Variants in NUP37 observed in about 807,000 individuals in gnomAD.
NUP37 encodes nucleoporin 37.
In NUP37, 33 loss-of-function variants were observed where a neutral mutation model predicts 45.4. The observed-to-expected ratio is 0.73, with a 90% CI of 0.55 to 0.97. The LOEUF (loss-of-function observed/expected upper bound fraction) is 0.97, where lower values mean the gene tolerates loss of function less well. Ranked by LOEUF, NUP37 falls within the 50% of genes least tolerant of loss-of-function variation. The probability of loss-of-function intolerance (pLI) is 0.00; values close to 1 mark genes in which losing one functional copy is unlikely to be tolerated. For missense variants in NUP37, 365 were observed against 389.7 expected (o/e 0.94, Z 0.53); for synonymous variants, 127 against 130.7 (o/e 0.97, Z 0.19).
chr12:102,116,698 A>C (rs1366379939), intron 2 of NUP37, among the ~76,000 whole-genome samples: 1 of 152,246 alleles, frequency 6.6e-6, no homozygotes, highest in Non-Finnish European at 1.5e-5. Context: ...TTTTGATGTC[A>C]GAATACTGTA....
chr12:102,097,679 G>A (rs193225690), intron 5 of NUP37, among the ~76,000 whole-genome samples: 56 of 152,280 alleles, frequency 3.7e-4, no homozygotes, highest in Admixed American at 8.5e-4. Flanking sequence ...CCCCTTTGCA[G>A]GTTTCATTAT....
intron 5 of NUP37, among the ~76,000 whole-genome samples, chr12:102,087,874 T>A (rs1350205079): frequency 2.0e-5 from 3 of 152,152 alleles, no homozygotes; most frequent in Admixed American, 6.5e-5. Context: ...ATAAAAATAT[T>A]AAATAAAAAC....
chr12:102,114,493 T>C (rs1336842458), intron 2 of NUP37, among the ~76,000 whole-genome samples: 1 of 152,198 alleles, frequency 6.6e-6, no homozygotes, highest in African/African-American at 2.4e-5. Flanking sequence ...GGATTTAGTT[T>C]GGGGTATAAG....
At chr12:102,075,196 G>A in intron 8 of NUP37, 102 bp from the exon 9 acceptor site, 1 of 703,544 alleles carries the variant, frequency 1.4e-6, no homozygotes, top group Non-Finnish European at 2.3e-6. Flanking sequence ...TTTTTTAAGA[G>A]ACAGGGTCTT....
At position 102,118,429 on chromosome 12, in the gene NUP37, C is replaced by A; in HGVS notation, c.90G>T (p.Gly30=). ...HVVEFNPFEN[G]DSGNLIAYGG... ...CATATGCAATTAGGTTTCCTGAATC[C>A]CCATTCTCAAAGGGATTAAATTCTA... is the stretch of plus-strand genomic sequence containing the variant. Residue 30 remains glycine, a synonymous_variant, in exon 2 of 10, where the codon GGG becomes GGT. Coordinates refer to ENST00000552283, the MANE Select transcript of NUP37 (RefSeq NM_024057.4). 1 of 1,613,952 alleles carries A rather than the reference C, an allele frequency of 6.2e-7. No individual in the cohort carries two copies.
chr12:102,102,576 T>C (rs2136742953), intron 3 of NUP37, among the ~76,000 whole-genome samples: 2 of 152,360 alleles, frequency 1.3e-5, no homozygotes, highest in South Asian at 2.1e-4. Flanking sequence ...ACTCTGTTGT[T>C]TCCTTTGCTG....
At chr12:102,106,684 T>G (rs1880166199) in intron 3 of NUP37, among the ~76,000 whole-genome samples, 2 of 152,200 alleles carry the variant, frequency 1.3e-5, no homozygotes, top group Admixed American at 6.5e-5. Flanking sequence ...TGCTTTGATT[T>G]GGGACATTAC....
chr12:102,076,248 T>C (rs1879163157), intron 8 of NUP37, among the ~76,000 whole-genome samples: 2 of 152,194 alleles, frequency 1.3e-5, no homozygotes, highest in South Asian at 4.1e-4. Flanking sequence ...CTACAACTTA[T>C]TGGAATATAG....
At chr12:102,087,050 C>T (rs71464302) in intron 5 of NUP37, among the ~76,000 whole-genome samples, 3,151 of 152,168 alleles carry the variant, frequency 0.021, 54 homozygotes, top group Non-Finnish European at 0.027. Flanking sequence ...CAATGTGCCA[C>T]GTTTGCACCT....
intron 8 of NUP37, 77 bp from the exon 9 acceptor site, chr12:102,075,171 T>A: frequency 1.1e-6 from 1 of 870,796 alleles, no homozygotes; most frequent in Non-Finnish European, 1.7e-6. Flanking sequence ...GGGCTTTTTC[T>A]TTTTCTTTTT....
intron 6 of NUP37, among the ~76,000 whole-genome samples, chr12:102,083,466 A>C (rs568703405): frequency 6.6e-6 from 1 of 152,340 alleles, no homozygotes; most frequent in South Asian, 2.1e-4. Context: ...ACTTAGATAC[A>C]GTCTGGGGAT....
intron 3 of NUP37, 121 bp downstream of exon 3, chr12:102,111,987 T>C: frequency 5.6e-6 from 5 of 887,800 alleles, no homozygotes; most frequent in Non-Finnish European, 8.6e-6. Flanking sequence ...TATCAAAATA[T>C]CTAATATCTT....
chr12:102,075,111 C>T lies in NUP37; in HGVS notation c.774-17G>A, dbSNP rs753966632. On this transcript the variant is annotated splice_polypyrimidine_tract_variant and intron_variant, in intron 8 of 9. Transcript: ENST00000552283. Reference sequence around the variant, plus strand: ...GTGGACCACCTAAGAAATAAGGAAGCGTAAAATTAAGTATCGTATCCTATG... The same window carrying T: ...GTGGACCACCTAAGAAATAAGGAAGTGTAAAATTAAGTATCGTATCCTATG... 7.2e-6 allele frequency: 11 copies of T among 1,536,132 alleles called. No homozygotes were observed. The highest frequency in any genetic ancestry group is 3.5e-5 in the Admixed American group (2 of 56,946).
intron 2 of NUP37, among the ~76,000 whole-genome samples, chr12:102,113,997 C>CA (rs749756429): frequency 1.7e-4 from 26 of 151,988 alleles, no homozygotes; most frequent in Non-Finnish European, 2.4e-4. Context: ...GAGTTAACAG[C>CA]AAAAAGTTTT....
chr12:102,100,530 T>C (rs1379612547), intron 4 of NUP37, among the ~76,000 whole-genome samples: 1 of 152,208 alleles, frequency 6.6e-6, no homozygotes, highest in Non-Finnish European at 1.5e-5. Context: ...TACCCACATT[T>C]TACAGGTAAG....
chr12:102,099,949 T>C (rs1490757506), intron 4 of NUP37, among the ~76,000 whole-genome samples: 2 of 151,966 alleles, frequency 1.3e-5, no homozygotes, highest in African/African-American at 4.8e-5. Flanking sequence ...CAGTTCTATA[T>C]AGTACTGCTC....
In NUP37 at chr12:102,074,312, C is replaced by T; in HGVS notation, c.*42G>A. The T allele has an allele frequency of 2.4e-6, 3 of 1,228,672 alleles. No homozygotes were observed. Among genetic ancestry groups the T allele is most frequent in the South Asian group, 2.6e-5 (2 of 77,142 alleles). The allele number at this position is 1,228,672 out of a possible 1,614,324, so 76.1% of individuals were successfully genotyped here. A position where few individuals can be genotyped will look rare whatever the true frequency, so the allele number is the denominator to read the frequency against. ...CTATAGAAATTCTTCAAAATATGTA[C>T]TAAAAATACAAAGTTTGTGAATCTA... On this transcript the variant is annotated 3_prime_UTR_variant, in exon 10 of 10. Coordinates refer to ENST00000552283, the MANE Select transcript of NUP37 (RefSeq NM_024057.4).
At chr12:102,111,284 G>A (rs1410370772) in intron 3 of NUP37, among the ~76,000 whole-genome samples, 1 of 152,144 alleles carries the variant, frequency 6.6e-6, no homozygotes, top group Non-Finnish European at 1.5e-5. Flanking sequence ...TGCAGGGAGT[G>A]GGGTACAATG....
chr12:102,075,196 G>T, intron 8 of NUP37, 102 bp from the exon 9 acceptor site: 1 of 703,544 alleles, frequency 1.4e-6, no homozygotes, highest in Non-Finnish European at 2.3e-6. Flanking sequence ...TTTTTTAAGA[G>T]ACAGGGTCTT....
Sources: allele counts gnomAD v4.1 joint callset (sites outside exome capture counted in the v4.1 genomes callset), GRCh38; gene constraint gnomAD v4.1.1; transcripts MANE v1.5; gene names NCBI Gene and HGNC (gene_info 2026-07-23, HGNC 2026-07-21).